WWOX: variants seen among roughly 807,000 people sequenced by gnomAD.
WWOX encodes the protein WW domain containing oxidoreductase, also known as WW domain-containing oxidoreductase.
A neutral mutation model predicts 46.2 loss-of-function variants in WWOX; 69 were observed. The ratio of observed to expected loss-of-function variants is 1.49; its 90% CI spans 1.23 to 1.82. The LOEUF is 1.82. Ranked by LOEUF, WWOX falls within the 40% of genes most tolerant of loss-of-function variation. The pLI is 0.00. For synonymous variants in WWOX, 359 were observed against 202.6 expected, an observed-to-expected ratio of 1.77 and a Z score of -6.56; for missense variants, 919 against 542.6, an observed-to-expected ratio of 1.69 and a Z score of -6.89.
At chr16:78,467,613 G>C (rs1437236324) in intron 8 of WWOX, among the ~76,000 whole-genome samples, 1 of 152,142 alleles carries the variant, frequency 6.6e-6, no homozygotes, top group East Asian at 1.9e-4. Context: ...ATTAAGTGGA[G>C]AAAAATCTTG....
chr16:79,161,630 C>G (rs2050488580), intron 8 of WWOX, among the ~76,000 whole-genome samples: 1 of 152,128 alleles, frequency 6.6e-6, no homozygotes, highest in African/African-American at 2.4e-5. Flanking sequence ...TCAAGCGATT[C>G]CCCTGCCTCA....
At chr16:78,540,579 C>G (rs762928241) in intron 8 of WWOX, among the ~76,000 whole-genome samples, 3 of 152,106 alleles carry the variant, frequency 2.0e-5, no homozygotes, top group Non-Finnish European at 4.4e-5. Context: ...CCGTGGGTCT[C>G]TGACTCTGAA....
At chr16:78,592,027 G>A (rs1223761708) in intron 8 of WWOX, among the ~76,000 whole-genome samples, 3 of 152,076 alleles carry the variant, frequency 2.0e-5, no homozygotes, top group African/African-American at 4.8e-5. Context: ...GGTAAGCATC[G>A]ATTTTACCTT....
intron 8 of WWOX, among the ~76,000 whole-genome samples, chr16:78,749,496 A>G (rs2049427438): frequency 6.6e-6 from 1 of 152,202 alleles, no homozygotes; most frequent in African/African-American, 2.4e-5. Context: ...ATCATAATGA[A>G]GCATTTAATG....
At chr16:79,012,668 A>G (rs1485291985) in intron 8 of WWOX, among the ~76,000 whole-genome samples, 1 of 152,236 alleles carries the variant, frequency 6.6e-6, no homozygotes. Context: ...GGGAACAAAT[A>G]TCCAGGCAGA....
intron 8 of WWOX, among the ~76,000 whole-genome samples, chr16:78,991,725 C>T (rs531821110): frequency 1.5e-4 from 23 of 152,106 alleles, no homozygotes; most frequent in Admixed American, 1.1e-3. Context: ...TTAACCCCTC[C>T]TCGTGGTGAT....
chr16:79,147,265 T>A (rs1484631245), intron 8 of WWOX, among the ~76,000 whole-genome samples: 1 of 152,192 alleles, frequency 6.6e-6, no homozygotes, highest in Non-Finnish European at 1.5e-5. Flanking sequence ...GCCTGCCTCA[T>A]CCCTGACCCC....
At chr16:78,243,781 G>T (rs951277580) in intron 5 of WWOX, among the ~76,000 whole-genome samples, 1 of 152,130 alleles carries the variant, frequency 6.6e-6, no homozygotes. Flanking sequence ...TCCTGACCTC[G>T]AGTGATCTGC....
chr16:79,061,911 A>G (rs1415469086), intron 8 of WWOX, among the ~76,000 whole-genome samples: 1 of 152,176 alleles, frequency 6.6e-6, no homozygotes, highest in Non-Finnish European at 1.5e-5. Flanking sequence ...ATGTACAGTA[A>G]CTGAGGATCA....
intron 4 of WWOX, among the ~76,000 whole-genome samples, chr16:78,156,890 C>T (rs983207901): frequency 3.3e-5 from 5 of 152,242 alleles, no homozygotes; most frequent in East Asian, 3.9e-4. Context: ...CAGATTGCAC[C>T]GCTGCACTCC....
chr16:79,200,704 C>T (rs536527925), intron 8 of WWOX, among the ~76,000 whole-genome samples: 2 of 152,144 alleles, frequency 1.3e-5, no homozygotes, highest in Admixed American at 1.3e-4. Context: ...CTCACACTCC[C>T]TGGACAAAGA....
intron 8 of WWOX, among the ~76,000 whole-genome samples, chr16:78,661,197 C>T (rs187663289): frequency 3.3e-5 from 5 of 152,296 alleles, no homozygotes; most frequent in East Asian, 1.9e-4. Context: ...CCAATTTCCT[C>T]TCTACCATTC....
intron 8 of WWOX, among the ~76,000 whole-genome samples, chr16:78,573,203 G>C (rs540246645): frequency 2.6e-5 from 4 of 151,978 alleles, no homozygotes; most frequent in Non-Finnish European, 5.9e-5. Flanking sequence ...GGAGAATGGC[G>C]TGAACCCAGG....
chr16:78,320,204 G>A (rs939051416), intron 5 of WWOX, among the ~76,000 whole-genome samples: 1 of 152,182 alleles, frequency 6.6e-6, no homozygotes, highest in African/African-American at 2.4e-5. Context: ...ACGAGCAAAT[G>A]AGAGTATTCA....
At chr16:79,129,039 C>G (rs906568211) in intron 8 of WWOX, among the ~76,000 whole-genome samples, 5 of 152,160 alleles carry the variant, frequency 3.3e-5, no homozygotes, top group African/African-American at 7.2e-5. Context: ...GTTCATTGTC[C>G]TGACACAGAA....
chr16:78,731,961 C>G (rs573600205), intron 8 of WWOX, among the ~76,000 whole-genome samples: 3 of 151,516 alleles, frequency 2.0e-5, no homozygotes, highest in African/African-American at 4.9e-5. Context: ...ATCCTCCTGC[C>G]TCAGCCATCT....
intron 8 of WWOX, among the ~76,000 whole-genome samples, chr16:79,045,295 T>G (rs1427962814): frequency 6.6e-6 from 1 of 152,228 alleles, no homozygotes; most frequent in Non-Finnish European, 1.5e-5. Context: ...TGATAGCTCA[T>G]GGGACATTTG....
chr16:79,038,801 C>T (rs879890372), intron 8 of WWOX, among the ~76,000 whole-genome samples: 38 of 152,182 alleles, frequency 2.5e-4, no homozygotes, highest in Non-Finnish European at 2.8e-4. Context: ...CCACCTGCCT[C>T]AGCCTCCCAA....
intron 8 of WWOX, among the ~76,000 whole-genome samples, chr16:78,673,584 C>T (rs986330787): frequency 5.9e-5 from 9 of 152,144 alleles, no homozygotes; most frequent in African/African-American, 1.9e-4. Flanking sequence ...TAGACGTTGG[C>T]AGGCACCCAT....
Sources: gnomAD v4.1 joint callset for allele counts (sites outside exome capture counted in the v4.1 genomes callset) on GRCh38, gnomAD v4.1.1 for gene constraint, MANE v1.5 for transcripts, NCBI Gene and HGNC (gene_info 2026-07-23, HGNC 2026-07-21) for gene names.